Variants in ADGRB3 observed in about 807,000 individuals in gnomAD.
ADGRB3 encodes the protein adhesion G protein-coupled receptor B3.
A neutral mutation model predicts 193.4 loss-of-function variants in ADGRB3; 37 were observed. The observed-to-expected ratio is 0.19, with a 90% CI of 0.15 to 0.25. The LOEUF (loss-of-function observed/expected upper bound fraction) is 0.25, where lower values mean the gene tolerates loss of function less well. ADGRB3 is among the 10% of genes least tolerant of loss of function. The pLI is 1.00. For synonymous variants in ADGRB3, 690 were observed against 644.2 expected (o/e 1.07, Z -1.08); for missense variants, 1,637 against 1,852.9 (o/e 0.88, Z 2.14).
At chr6:68,802,585 G>A (rs1445541479) in intron 3 of ADGRB3, among the ~76,000 whole-genome samples, 1 of 152,106 alleles carries the variant, frequency 6.6e-6, no homozygotes, top group Non-Finnish European at 1.5e-5. Context: ...AAACTTCAAA[G>A]TGTATGTGTT....
At chr6:69,020,388 A>C (rs1350968689) in intron 13 of ADGRB3, among the ~76,000 whole-genome samples, 2 of 152,050 alleles carry the variant, frequency 1.3e-5, no homozygotes, top group African/African-American at 4.8e-5. Flanking sequence ...TTGCTGTAAA[A>C]ATTTCATAAA....
At chr6:69,047,672 C>T (rs1771276766) in intron 13 of ADGRB3, among the ~76,000 whole-genome samples, 1 of 151,954 alleles carries the variant, frequency 6.6e-6, no homozygotes, top group Non-Finnish European at 1.5e-5. Flanking sequence ...TTCTATCTCC[C>T]AAAGTAATAT....
In ADGRB3 at chr6:68,867,661, C is replaced by T. The variant is rs192812071; in HGVS notation, c.758-62898C>T. ...ACTCAACACAGCCCATGAAAGCAGCCGGGAGGGAGGCTGTAGCCTGCAAAG... is the reference window on the plus strand; with the variant it reads ...ACTCAACACAGCCCATGAAAGCAGCTGGGAGGGAGGCTGTAGCCTGCAAAG... On this transcript the variant is annotated intron_variant, in intron 3 of 31. Coordinates refer to ENST00000370598, the MANE Select transcript of ADGRB3 (RefSeq NM_001704.3). Among the ~76,000 whole-genome samples the T allele has an allele frequency of 2.2e-3, 340 of 152,258 alleles. 1 individual carries two copies. Among genetic ancestry groups the T allele is most frequent in the Non-Finnish European group, 3.3e-3 (223 of 68,022 alleles).
At chr6:69,004,219 A>G (rs539373436) in intron 11 of ADGRB3, among the ~76,000 whole-genome samples, 1 of 152,286 alleles carries the variant, frequency 6.6e-6, no homozygotes, top group African/African-American at 2.4e-5. Context: ...AACAACAAAC[A>G]TTTATTTTCT....
At chr6:68,749,914 A>G (rs1766163162) in intron 3 of ADGRB3, among the ~76,000 whole-genome samples, 1 of 152,220 alleles carries the variant, frequency 6.6e-6, no homozygotes, top group Non-Finnish European at 1.5e-5. Flanking sequence ...TACATTGTTT[A>G]TAACAAATGA....
chr6:68,885,722 C>T (rs1203781857), intron 3 of ADGRB3, among the ~76,000 whole-genome samples: 1 of 152,098 alleles, frequency 6.6e-6, no homozygotes, highest in Non-Finnish European at 1.5e-5. Context: ...TTTCAGTTAG[C>T]CTTCAGAAAT....
At chr6:69,163,653 A>G (rs182684438) in intron 17 of ADGRB3, among the ~76,000 whole-genome samples, 228 of 152,240 alleles carry the variant, frequency 1.5e-3, no homozygotes, top group African/African-American at 5.1e-3. Flanking sequence ...CCAGTCACCA[A>G]GATTTTCTAG....
At chr6:68,818,629 G>T (rs1767683347) in intron 3 of ADGRB3, among the ~76,000 whole-genome samples, 1 of 151,978 alleles carries the variant, frequency 6.6e-6, no homozygotes, top group Non-Finnish European at 1.5e-5. Context: ...AAAGTTTTCT[G>T]AATCTCATTT....
intron 3 of ADGRB3, among the ~76,000 whole-genome samples, chr6:68,830,475 C>T (rs939938571): frequency 2.6e-5 from 4 of 152,094 alleles, no homozygotes; most frequent in Non-Finnish European, 2.9e-5. Flanking sequence ...AGACGTTTGG[C>T]AATAATGTTT....
chr6:69,076,654 T>A (rs1042503910), intron 17 of ADGRB3, among the ~76,000 whole-genome samples: 20 of 152,206 alleles, frequency 1.3e-4, no homozygotes, highest in African/African-American at 4.6e-4. Flanking sequence ...TTATTGATAA[T>A]CCTGAGATTT....
At position 69,153,265 on chromosome 6, in the gene ADGRB3, G is replaced by A. The variant is rs574828212; in HGVS notation, c.2480+77227G>A. Among the ~76,000 whole-genome samples the A allele has an allele frequency of 2.0e-5, 3 of 152,242 alleles. No homozygotes were observed. The South Asian group carries it at 6.2e-4, about 32-fold the overall frequency. On this transcript the variant is annotated intron_variant, in intron 17 of 31. Coordinates refer to ENST00000370598, the MANE Select transcript of ADGRB3 (RefSeq NM_001704.3). ...TATAAAGTTGTTCTTAAAAACTCAT[G>A]AAGCCCCCGCACCACCCTTCTTCCT...
intron 17 of ADGRB3, among the ~76,000 whole-genome samples, chr6:69,097,056 A>G (rs1182801573): frequency 6.6e-6 from 1 of 152,260 alleles, no homozygotes; most frequent in East Asian, 1.9e-4. Context: ...GAGGACATTA[A>G]GAAAGAGATT....
chr6:69,001,104 T>C (rs1360556661), intron 11 of ADGRB3, among the ~76,000 whole-genome samples: 4 of 152,188 alleles, frequency 2.6e-5, no homozygotes, highest in Non-Finnish European at 4.4e-5. Flanking sequence ...ATGTTCCACT[T>C]CTATGAATTT....
At chr6:68,748,627 G>A (rs1261362564) in intron 3 of ADGRB3, among the ~76,000 whole-genome samples, 3 of 152,160 alleles carry the variant, frequency 2.0e-5, no homozygotes, top group African/African-American at 4.8e-5. Flanking sequence ...CTGGCATTGA[G>A]TGTCTGTGGC....
chr6:68,738,745 A>G (rs1213388756), intron 3 of ADGRB3, among the ~76,000 whole-genome samples: 1 of 152,214 alleles, frequency 6.6e-6, no homozygotes, highest in East Asian at 1.9e-4. Flanking sequence ...TACTAGTTTG[A>G]TTTGGGTCAA....
chr6:68,688,720 C>T (rs1765022683), intron 3 of ADGRB3, among the ~76,000 whole-genome samples: 1 of 152,062 alleles, frequency 6.6e-6, no homozygotes. Flanking sequence ...CCTTGGGAGT[C>T]CTCTGCAAGG....
rs1767988524 is a variant in ADGRB3 at position 68,833,344 on chromosome 6, GA to G, written c.758-97214del. Among the ~76,000 whole-genome samples the G allele has an allele frequency of 1.3e-5, 2 of 151,572 alleles. 1 individual carries two copies. The highest frequency in any genetic ancestry group is 2.9e-5 in the Non-Finnish European group (2 of 67,910). ...AAAAAATTATGTGACTAGGAGAGAA[GA>G]TATTACAAATATTATAGTTCTTTAA... On this transcript the variant is annotated intron_variant, in intron 3 of 31. Coordinates refer to ENST00000370598, the MANE Select transcript of ADGRB3 (RefSeq NM_001704.3).
intron 26 of ADGRB3, among the ~76,000 whole-genome samples, chr6:69,341,207 G>A (rs1352816098): frequency 2.0e-5 from 3 of 152,158 alleles, no homozygotes; most frequent in Non-Finnish European, 2.9e-5. Context: ...TTCCACAATG[G>A]TTGAGCTAAT....
chr6:69,235,819 A>T (rs1766250722), intron 19 of ADGRB3, among the ~76,000 whole-genome samples: 1 of 151,996 alleles, frequency 6.6e-6, no homozygotes, highest in Non-Finnish European at 1.5e-5. Flanking sequence ...TGTTACTAAG[A>T]ATTAGACCTG....
Sources: gnomAD v4.1 joint callset for allele counts (sites outside exome capture counted in the v4.1 genomes callset) on GRCh38, gnomAD v4.1.1 for gene constraint, MANE v1.5 for transcripts, NCBI Gene and HGNC (gene_info 2026-07-23, HGNC 2026-07-21) for gene names.